Variants in PRDM1 observed in about 807,000 individuals in gnomAD.
PRDM1 encodes the protein PR domain zinc finger protein 1.
In PRDM1, 13 loss-of-function variants were observed where a neutral mutation model predicts 62.8. The ratio of observed to expected loss-of-function variants is 0.21; its 90% CI spans 0.13 to 0.33. The LOEUF (loss-of-function observed/expected upper bound fraction) is 0.33. Among genes scored for constraint, PRDM1 ranks in the 10% least tolerant of loss-of-function variants. The probability of loss-of-function intolerance (pLI) is 1.00; values close to 1 mark genes in which losing one functional copy is unlikely to be tolerated. For missense variants in PRDM1, 895 were observed against 1,058.8 expected, an observed-to-expected ratio of 0.85 and a Z score of 2.15; for synonymous variants, 396 against 417.6, an observed-to-expected ratio of 0.95 and a Z score of 0.63.
chr6:106,108,254 G>A lies in PRDM1; in HGVS notation c.*768G>A, dbSNP rs961398214. The A allele has an allele frequency of 4.3e-6, 1 of 233,566 alleles. No homozygotes were observed. Among genetic ancestry groups the A allele is most frequent in the Non-Finnish European group, 8.5e-6 (1 of 117,982 alleles). The allele number at this position is 233,566 out of a possible 1,614,324, so 14.5% of individuals were successfully genotyped here. On this transcript the variant is annotated 3_prime_UTR_variant, in exon 7 of 7. Coordinates refer to ENST00000369096, the MANE Select transcript of PRDM1 (RefSeq NM_001198.4). Reference sequence around the variant, plus strand: ...TTTTTCCCCCAGCCACAATTTTACCGGAAGGGTGACAGGAAGGCTTTACCA... The same window carrying A: ...TTTTTCCCCCAGCCACAATTTTACCAGAAGGGTGACAGGAAGGCTTTACCA...
rs756685678 is a variant in PRDM1, at chr6:106,107,199, G to A, written c.2191G>A (p.Glu731Lys). ...EDLTRINEEI[E>K]KFDISDNADR... ...TCTGACCCGAATCAATGAAGAAATC[G>A]AGAAGTTTGACATCAGTGACAATGC... Residue 731 changes from glutamate to lysine, a missense_variant, in exon 7 of 7, where the codon GAG becomes AAG. Physicochemically the swap from Glu to Lys is moderately conservative, Grantham distance 56. Around this residue, in one of 4 missense-constraint regions of PRDM1, gnomAD observed 164 missense variants for 179.9 expected, o/e 0.91. Transcript: ENST00000369096. 8 of 1,614,062 alleles carry A rather than the reference G, an allele frequency of 5.0e-6. No individual in the cohort carries two copies. The highest frequency in any genetic ancestry group is 4.0e-5 in the African/African-American group (3 of 74,920).
At position 106,107,322 on chromosome 6, in the gene PRDM1, C is replaced by CT; in HGVS notation, c.2315dup (p.Lys773GlufsTer21). ...CAGAAAAGAGAAAGAAGAAACTGGCCTGAAAGTGTCTTTGCAAAGAAACAT... is the reference window on the plus strand; with the variant it reads ...CAGAAAAGAGAAAGAAGAAACTGGCCTTGAAAGTGTCTTTGCAAAGAAACAT... On this transcript the variant is annotated frameshift_variant, in exon 7 of 7. Transcript: ENST00000369096. LOFTEE classifies it high-confidence loss of function. 1 of 1,614,134 alleles carries CT rather than the reference C, an allele frequency of 6.2e-7. No homozygotes were observed. The highest frequency in any genetic ancestry group is 8.5e-7 in the Non-Finnish European group (1 of 1,180,026).
chr6:106,015,943 T>C (rs1582426761), intron 1 of PRDM1, among the ~76,000 whole-genome samples: 1 of 152,326 alleles, frequency 6.6e-6, no homozygotes, highest in South Asian at 2.1e-4. Context: ...TTCTAGAATT[T>C]TTTCTTCATT....
upstream of PRDM1, chr6:106,046,333 C>G (rs1057496167): frequency 3.3e-5 from 5 of 152,058 alleles, no homozygotes; most frequent in Non-Finnish European, 7.3e-5. Flanking sequence ...CCAAGGTGAT[C>G]AAAGCAACTT....
rs569571564 is a variant in PRDM1, at chr6:106,027,654, T to G, written c.-67+34015T>G. Among the ~76,000 whole-genome samples the G allele has an allele frequency of 6.6e-5, 10 of 151,912 alleles. No homozygotes were observed. The East Asian group carries it at 1.9e-3, about 29-fold the overall frequency. On this transcript the variant is annotated intron_variant, in intron 1 of 6. Coordinates refer to the PRDM1 transcript ENST00000652320. ...GGAGGAACGGGGGAGAGAATGAGAGTGGATCAATGTAGGGTTTTATCTTAA... is the reference window on the plus strand; with the variant it reads ...GGAGGAACGGGGGAGAGAATGAGAGGGGATCAATGTAGGGTTTTATCTTAA...
At chr6:106,096,159 T>C in intron 3 of PRDM1, 1 of 166,312 alleles carries the variant, frequency 6.0e-6, no homozygotes, top group Admixed American at 5.8e-5. Context: ...TTTTGGTTTT[T>C]TTTTTTTTGA....
intron 3 of PRDM1, chr6:106,098,965 A>G: frequency 6.5e-7 from 1 of 1,549,076 alleles, no homozygotes; most frequent in Non-Finnish European, 8.7e-7. Context: ...TTTGCCATTC[A>G]CTGCAGTAGC....
intron 2 of PRDM1, among the ~76,000 whole-genome samples, chr6:106,091,415 TC>T (rs1773955893): frequency 6.6e-6 from 1 of 152,240 alleles, no homozygotes; most frequent in South Asian, 2.1e-4. Flanking sequence ...CATCACCATG[TC>T]TCCTTTAATA....
At chr6:106,096,371 C>T (rs1242637477) in intron 3 of PRDM1, among the ~76,000 whole-genome samples, 2 of 152,170 alleles carry the variant, frequency 1.3e-5, no homozygotes, top group African/African-American at 2.4e-5. Context: ...TGGTCTCGAT[C>T]TCTGGACCTC....
At chr6:106,024,646 T>G (rs532157664) in intron 1 of PRDM1, among the ~76,000 whole-genome samples, 13 of 152,194 alleles carry the variant, frequency 8.5e-5, no homozygotes, top group South Asian at 2.1e-4. Context: ...AGTGTGGAGC[T>G]TTTTAAATCT....
intron 1 of PRDM1, among the ~76,000 whole-genome samples, chr6:106,041,066 C>G (rs116505643): frequency 9.3e-4 from 141 of 152,236 alleles, no homozygotes; most frequent in African/African-American, 3.3e-3. Flanking sequence ...GAAGGTGGAC[C>G]GCTTGGATTG....
At chr6:106,064,514 G>A (rs1394950077) in intron 1 of PRDM1, among the ~76,000 whole-genome samples, 2 of 152,198 alleles carry the variant, frequency 1.3e-5, no homozygotes, top group Non-Finnish European at 2.9e-5. Flanking sequence ...CTACTCCTAT[G>A]TGAAAGGGGA....
chr6:106,003,217 GA>G (rs1362295912), intron 1 of PRDM1, among the ~76,000 whole-genome samples: 2 of 152,160 alleles, frequency 1.3e-5, no homozygotes, highest in Non-Finnish European at 2.9e-5. Flanking sequence ...ACACTTTTGA[GA>G]CTGAAAGGGG....
At chr6:106,082,086 T>G (rs1006140458), upstream of PRDM1, among the ~76,000 whole-genome samples, 6 of 152,218 alleles carry the variant, frequency 3.9e-5, no homozygotes, top group Non-Finnish European at 8.8e-5. Context: ...AAGCTACTCT[T>G]CCGGTTCTCC....
chr6:106,021,527 G>A (rs1772695401), intron 1 of PRDM1, among the ~76,000 whole-genome samples: 1 of 152,212 alleles, frequency 6.6e-6, no homozygotes, highest in Non-Finnish European at 1.5e-5. Context: ...AAGCTTTCTT[G>A]AGTACTGTTG....
intron 1 of PRDM1, among the ~76,000 whole-genome samples, chr6:106,065,813 C>T: frequency 6.6e-6 from 1 of 152,212 alleles, no homozygotes; most frequent in Non-Finnish European, 1.5e-5. Flanking sequence ...AATCAGGGGT[C>T]TGCCCCATAA....
At chr6:106,014,136 T>C (rs1482838024) in intron 1 of PRDM1, among the ~76,000 whole-genome samples, 1 of 142,990 alleles carries the variant, frequency 7.0e-6, no homozygotes, top group African/African-American at 2.6e-5. Flanking sequence ...CATGGCTCAC[T>C]GCAGCCTCTG....
At chr6:106,090,821 G>A (rs890770672) in intron 2 of PRDM1, among the ~76,000 whole-genome samples, 16 of 151,138 alleles carry the variant, frequency 1.1e-4, no homozygotes, top group South Asian at 4.2e-4. Flanking sequence ...CTGACATACC[G>A]GGGAATTTTT....
At chr6:106,024,924 A>G (rs182446557) in intron 1 of PRDM1, among the ~76,000 whole-genome samples, 1 of 152,322 alleles carries the variant, frequency 6.6e-6, no homozygotes, top group African/African-American at 2.4e-5. Context: ...TTGTATGTAG[A>G]GGAGGGTGGG....
Sources: allele counts gnomAD v4.1 joint callset (sites outside exome capture counted in the v4.1 genomes callset), GRCh38; gene constraint gnomAD v4.1.1; regional missense constraint gnomAD v4.1.1; transcripts MANE v1.5; gene names NCBI Gene and HGNC (gene_info 2026-07-23, HGNC 2026-07-21).